Variants in ITGBL1 observed in about 807,000 individuals in gnomAD.
ITGBL1 encodes the protein integrin beta-like protein 1.
ITGBL1 carries 51 observed loss-of-function variants against 68.5 expected under a neutral mutation model. The observed-to-expected ratio is 0.74, with a 90% CI of 0.59 to 0.94. ITGBL1 has a LOEUF of 0.94. Among genes scored for constraint, ITGBL1 ranks in the 40% least tolerant of loss-of-function variants. The probability of loss-of-function intolerance (pLI) is 0.00; values close to 1 mark genes in which losing one functional copy is unlikely to be tolerated. For synonymous variants in ITGBL1, 209 were observed against 227.3 expected, an observed-to-expected ratio of 0.92 and a Z score of 0.72; for missense variants, 649 against 647.4, an observed-to-expected ratio of 1.00 and a Z score of -0.03.
intron 3 of ITGBL1, among the ~76,000 whole-genome samples, chr13:101,569,007 A>G (rs2050226265): frequency 1.5e-5 from 2 of 137,800 alleles, no homozygotes; most frequent in Non-Finnish European, 3.1e-5. Context: ...CGTCCAATTC[A>G]TAACACCCAC....
chr13:101,611,450 A>G (rs2031123130), intron 7 of ITGBL1, among the ~76,000 whole-genome samples: 1 of 152,218 alleles, frequency 6.6e-6, no homozygotes, highest in Non-Finnish European at 1.5e-5. Flanking sequence ...GAAGGCATTT[A>G]TATCAGCAAA....
rs927960076 is a variant in ITGBL1 at position 101,579,340 on chromosome 13, G to T, written c.640G>T (p.Asp214Tyr). The T allele has an allele frequency of 6.2e-7, 1 of 1,613,990 alleles. No homozygotes were observed. Among genetic ancestry groups the T allele is most frequent in the Admixed American group, 1.7e-5 (1 of 59,988 alleles). ...CTACTGCAAGGCTGGTTGGCATGGA[G>T]ATAAATGTGAATTCCAGTGCGATAT... The part of the protein sequence containing the change: ...NCYCKAGWHG[D>Y]KCEFQCDITP... Residue 214 changes from aspartate to tyrosine, a missense_variant, in exon 5 of 11, where the codon GAT becomes TAT. Physicochemically the swap from Asp to Tyr is radical, Grantham distance 160. Transcript: ENST00000376180.
intron 2 of ITGBL1, among the ~76,000 whole-genome samples, chr13:101,553,694 G>C (rs1017148764): frequency 1.3e-5 from 2 of 151,622 alleles, no homozygotes; most frequent in Non-Finnish European, 1.5e-5. Context: ...GGCGGCTGAT[G>C]ACCCTTGGCT....
intron 2 of ITGBL1, among the ~76,000 whole-genome samples, chr13:101,554,042 GGGATTACAGGCATGA>G (rs1594886875): frequency 1.3e-5 from 2 of 152,154 alleles, no homozygotes; most frequent in East Asian, 1.9e-4. Context: ...CCAAAGTTCT[GGGATTACAGGCATGA>G]GCCCCCGCTG....
chr13:101,527,346 G>A (rs112287699), intron 2 of ITGBL1, among the ~76,000 whole-genome samples: 3 of 152,230 alleles, frequency 2.0e-5, no homozygotes, highest in African/African-American at 7.2e-5. Flanking sequence ...TAAAAGGAAT[G>A]TTGTACATTG....
intron 2 of ITGBL1, among the ~76,000 whole-genome samples, chr13:101,463,372 G>A (rs1051919514): frequency 6.6e-6 from 1 of 152,058 alleles, no homozygotes; most frequent in African/African-American, 2.4e-5. Flanking sequence ...AGAGCTTACT[G>A]TATCATGCCC....
intron 1 of ITGBL1, 152 bp downstream of exon 1, chr13:101,453,083 CT>C (rs1373802608): frequency 1.6e-6 from 1 of 623,606 alleles, no homozygotes; most frequent in East Asian, 2.7e-5. Context: ...CTCCTTATAT[CT>C]ACAGCGTGTA....
intron 7 of ITGBL1, among the ~76,000 whole-genome samples, chr13:101,674,535 G>T (rs1349246102): frequency 6.6e-6 from 1 of 152,014 alleles, no homozygotes; most frequent in African/African-American, 2.4e-5. Context: ...AAATAAGGAA[G>T]TTACTTTCTA....
At chr13:101,692,471 C>T (rs1217568664) in intron 7 of ITGBL1, 114 bp from the exon 8 acceptor site, 6 of 719,228 alleles carry the variant, frequency 8.3e-6, no homozygotes, top group African/African-American at 1.7e-5. Flanking sequence ...TATTATCAGG[C>T]ACAGACTGGA....
chr13:101,649,321 A>C (rs2032668966), intron 7 of ITGBL1, among the ~76,000 whole-genome samples: 1 of 152,200 alleles, frequency 6.6e-6, no homozygotes, highest in South Asian at 2.1e-4. Context: ...GAGGAAGTAC[A>C]ATAAAGTCCT....
intron 2 of ITGBL1, among the ~76,000 whole-genome samples, chr13:101,521,872 T>G (rs1366652171): frequency 6.6e-6 from 1 of 152,040 alleles, no homozygotes; most frequent in African/African-American, 2.4e-5. Context: ...CAACAGAAAT[T>G]CATTTTCTCA....
chr13:101,710,337 G>T (rs1251981179), intron 9 of ITGBL1, among the ~76,000 whole-genome samples: 1 of 152,126 alleles, frequency 6.6e-6, no homozygotes, highest in East Asian at 1.9e-4. Flanking sequence ...ATCAATGCTG[G>T]ATTATCGATG....
Position 101,453,981 on chromosome 13 carries a change from G to T in ITGBL1, c.197G>T (p.Arg66Leu), listed in dbSNP as rs938164927. The stretch of plus-strand genomic sequence containing the variant: ...CCGGGGGCCGCGCTGTGCCACGGCC[G>T]GGGCCGCTGCGACTGCGGCGTCTGC... ...QPPGAALCHG[R>L]GRCDCGVCIC... The change falls in exon 2 of 11, where the codon CGG becomes CTG. Residue 66 changes from arginine (R) to leucine (L), a missense_variant. By Grantham distance (102) the Arg-to-Leu change is moderately radical. Transcript: ENST00000376180. 4.4e-5 allele frequency: 68 copies of T among 1,538,026 alleles called. No individual in the cohort carries two copies. Among genetic ancestry groups the T allele is most frequent in the Middle Eastern group, 3.4e-4 (2 of 5,880 alleles).
intron 7 of ITGBL1, among the ~76,000 whole-genome samples, chr13:101,621,767 T>C (rs567263426): frequency 3.3e-5 from 5 of 152,280 alleles, no homozygotes; most frequent in Admixed American, 2.0e-4. Flanking sequence ...GGCAGACCTT[T>C]ATCTTAGTCA....
At chr13:101,553,060 T>A (rs909284889) in intron 2 of ITGBL1, among the ~76,000 whole-genome samples, 1 of 152,112 alleles carries the variant, frequency 6.6e-6, no homozygotes, top group East Asian at 1.9e-4. Flanking sequence ...AGTGGTCTTG[T>A]TTTTTAGACA....
chr13:101,531,169 AC>A (rs1194770951), intron 2 of ITGBL1, among the ~76,000 whole-genome samples: 4 of 152,202 alleles, frequency 2.6e-5, no homozygotes, highest in African/African-American at 7.2e-5. Flanking sequence ...TTTTAAAAAA[AC>A]GTATACTAGT....
At chr13:101,496,986 G>A (rs541059307) in intron 2 of ITGBL1, among the ~76,000 whole-genome samples, 13 of 152,164 alleles carry the variant, frequency 8.5e-5, no homozygotes, top group African/African-American at 3.1e-4. Context: ...TAGTAAAGGG[G>A]ATGTCAAGGA....
chr13:101,554,165 C>G (rs1431610063), intron 2 of ITGBL1, among the ~76,000 whole-genome samples: 1 of 152,136 alleles, frequency 6.6e-6, no homozygotes, highest in African/African-American at 2.4e-5. Context: ...TATCTACAAC[C>G]ACCCTATTTC....
chr13:101,579,552 G>C, intron 5 of ITGBL1, 125 bp downstream of exon 5: 2 of 966,298 alleles, frequency 2.1e-6, no homozygotes, highest in Non-Finnish European at 1.5e-6. Flanking sequence ...TTACTTTGAT[G>C]TAAATCAACA....
Sources: gnomAD v4.1 joint callset for allele counts (sites outside exome capture counted in the v4.1 genomes callset) on GRCh38, gnomAD v4.1.1 for gene constraint, MANE v1.5 for transcripts, NCBI Gene and HGNC (gene_info 2026-07-23, HGNC 2026-07-21) for gene names.